The following TAF4B variants were observed in gnomAD, a reference collection of about 807,000 sequenced individuals.
TAF4B encodes the protein TATA-box binding protein associated factor 4b.
Under a neutral mutation model 86.4 loss-of-function variants are expected in TAF4B, and 38 were observed. The observed-to-expected ratio is 0.44, with a 90% CI of 0.34 to 0.58. The LOEUF is 0.58. TAF4B is among the 20% of genes least tolerant of loss of function. TAF4B has a pLI of 0.02. For missense variants in TAF4B, 988 were observed against 1,027.6 expected, an observed-to-expected ratio of 0.96 and a Z score of 0.53; for synonymous variants, 388 against 391.2, an observed-to-expected ratio of 0.99 and a Z score of 0.10.
chr18:26,267,506 C>T lies in TAF4B; in HGVS notation c.490-10C>T, dbSNP rs2056255897. The T allele has an allele frequency of 1.2e-6, 2 of 1,603,750 alleles. No individual in the cohort carries two copies. The highest frequency in any genetic ancestry group is 1.7e-6 in the Non-Finnish European group (2 of 1,170,692). ...GACTTTGTGTTATCTTGCTCCCCTCCACCGCCAAGAACTCTAGCTCACAAT... is the reference window on the plus strand; with the variant it reads ...GACTTTGTGTTATCTTGCTCCCCTCTACCGCCAAGAACTCTAGCTCACAAT... On this transcript the variant is annotated splice_polypyrimidine_tract_variant and intron_variant, in intron 2 of 14. Transcript: ENST00000269142.
intron 7 of TAF4B, among the ~76,000 whole-genome samples, chr18:26,289,942 G>A (rs1251009388): frequency 6.6e-6 from 1 of 152,100 alleles, no homozygotes; most frequent in Non-Finnish European, 1.5e-5. Context: ...ATACAAAACT[G>A]TATTATAAAA....
At chr18:26,237,220 C>T (rs976070959) in intron 1 of TAF4B, among the ~76,000 whole-genome samples, 7 of 152,148 alleles carry the variant, frequency 4.6e-5, no homozygotes, top group African/African-American at 1.7e-4. Context: ...GACCAGGTAT[C>T]TTCGAACTCT....
intron 11 of TAF4B, among the ~76,000 whole-genome samples, chr18:26,323,651 A>G (rs546758358): frequency 2.6e-5 from 4 of 151,598 alleles, no homozygotes; most frequent in Admixed American, 6.6e-5. Context: ...TTTGATGTGT[A>G]TATCTTCTTG....
intron 1 of TAF4B, among the ~76,000 whole-genome samples, chr18:26,235,163 G>A (rs2055730309): frequency 6.6e-6 from 1 of 152,222 alleles, no homozygotes; most frequent in African/African-American, 2.4e-5. Context: ...CCTGCTTTAA[G>A]GTTTTGAAGG....
At chr18:26,299,870 A>T (rs1382749274) in intron 9 of TAF4B, among the ~76,000 whole-genome samples, 1 of 152,162 alleles carries the variant, frequency 6.6e-6, no homozygotes, top group African/African-American at 2.4e-5. Flanking sequence ...AGTATAGTAT[A>T]TACATTTTTC....
At chr18:26,346,845 G>GTGTATA (rs2057195804) in intron 13 of TAF4B, among the ~76,000 whole-genome samples, 2 of 13,964 alleles carry the variant, frequency 1.4e-4, no homozygotes, top group African/African-American at 2.9e-4. Context: ...ATGTGTGTGT[G>GTGTATA]TATATATATA....
At chr18:26,380,358 T>A (rs1317711989) in intron 14 of TAF4B, among the ~76,000 whole-genome samples, 2 of 152,244 alleles carry the variant, frequency 1.3e-5, no homozygotes, top group Non-Finnish European at 2.9e-5. Context: ...GTTTTTATTA[T>A]CAACTTTGAA....
intron 1 of TAF4B, among the ~76,000 whole-genome samples, chr18:26,251,470 T>C (rs1227987587): frequency 1.3e-5 from 2 of 152,128 alleles, no homozygotes; most frequent in African/African-American, 4.8e-5. Context: ...TTGGCATTTT[T>C]GGATGTTGGG....
Position 26,312,304 on chromosome 18 carries a change from C to G in TAF4B, c.1833-2925C>G, listed in dbSNP as rs150905968. On this transcript the variant is annotated intron_variant, in intron 9 of 14. Coordinates refer to ENST00000269142, the MANE Select transcript of TAF4B (RefSeq NM_005640.3). ...GATATGCTGCTAGAACACTGCTTTC[C>G]TTTAGTCTGCCTCCTTGACTAAAGA... Among the ~76,000 whole-genome samples the G allele has an allele frequency of 2.6e-5, 4 of 152,322 alleles. No individual in the cohort carries two copies. In the East Asian group the frequency reaches 5.8e-4, roughly 22 times the overall value.
chr18:26,237,982 C>T lies in TAF4B; in HGVS notation c.343+10706C>T, dbSNP rs559323474. ...CCCTGCCGAAGAACCTGCAACGGTC[C>T]GTGGACCCTGCTGTTCAGAATAGTT... On this transcript the variant is annotated intron_variant, in intron 1 of 14. Coordinates refer to ENST00000269142, the MANE Select transcript of TAF4B (RefSeq NM_005640.3). Among the ~76,000 whole-genome samples, 16 of 152,246 alleles carry T rather than the reference C, an allele frequency of 1.1e-4. No homozygotes were observed. In the East Asian group the frequency reaches 2.3e-3, roughly 22 times the overall value.
intron 14 of TAF4B, among the ~76,000 whole-genome samples, chr18:26,381,267 G>A (rs553407755): frequency 4.0e-5 from 6 of 151,552 alleles, no homozygotes; most frequent in African/African-American, 1.2e-4. Flanking sequence ...TGCCTGCCTC[G>A]GCCTCCCAAA....
intron 14 of TAF4B, among the ~76,000 whole-genome samples, chr18:26,376,161 A>G (rs2057441331): frequency 6.6e-6 from 1 of 151,332 alleles, no homozygotes. Context: ...TTTCAAGATC[A>G]TTTTAACTAT....
intron 9 of TAF4B, among the ~76,000 whole-genome samples, chr18:26,313,073 G>A (rs76070615): frequency 0.015 from 2,210 of 152,218 alleles, 23 homozygotes; most frequent in Non-Finnish European, 0.022. Context: ...CTATGTAAGC[G>A]TATGTATTTT....
chr18:26,255,488 A>AGC (rs1011482065), intron 1 of TAF4B, among the ~76,000 whole-genome samples: 5 of 151,384 alleles, frequency 3.3e-5, no homozygotes, highest in Admixed American at 2.0e-4. Flanking sequence ...CTATAAACCC[A>AGC]GCTACTTGGG....
In TAF4B at chr18:26,226,884, C is replaced by T; in HGVS notation, c.-50C>T. 2.3e-6 allele frequency: 3 copies of T among 1,328,624 alleles called. No individual in the cohort carries two copies. Among genetic ancestry groups the T allele is most frequent in the Non-Finnish European group, 1.9e-6 (2 of 1,041,206 alleles). 82.3% of individuals were successfully genotyped at this position (1,328,624 alleles called of 1,614,324 possible). On this transcript the variant is annotated 5_prime_UTR_variant, in exon 1 of 15. Transcript: ENST00000269142. ...CTGCCGCGCGCCAAGCCTCCCCTCA[C>T]CTCTGCTCCCGGAACCGCAGCGCCA...
chr18:26,351,142 A>G (rs2057242087), intron 13 of TAF4B, among the ~76,000 whole-genome samples: 1 of 152,222 alleles, frequency 6.6e-6, no homozygotes, highest in Admixed American at 6.5e-5. Context: ...ATGAATGGAT[A>G]AAGAAAATGT....
intron 7 of TAF4B, among the ~76,000 whole-genome samples, chr18:26,287,082 G>T (rs2056533266): frequency 6.6e-6 from 1 of 151,840 alleles, no homozygotes; most frequent in African/African-American, 2.4e-5. Flanking sequence ...GGTTTTTTTT[G>T]TAAAACATAA....
intron 9 of TAF4B, among the ~76,000 whole-genome samples, chr18:26,294,634 G>GTA (rs111932055): frequency 5.1e-5 from 7 of 137,346 alleles, no homozygotes; most frequent in East Asian, 2.0e-4. Context: ...TATAACATTT[G>GTA]TATATATATG....
At chr18:26,274,613 T>A in intron 3 of TAF4B, 50 bp from the exon 4 acceptor site, 1 of 1,593,990 alleles carries the variant, frequency 6.3e-7, no homozygotes, top group Non-Finnish European at 8.6e-7. Context: ...AGGCACCCAC[T>A]AATGTATCAT....
Sources: gnomAD v4.1 joint callset for allele counts (sites outside exome capture counted in the v4.1 genomes callset) on GRCh38, gnomAD v4.1.1 for gene constraint, MANE v1.5 for transcripts, NCBI Gene and HGNC (gene_info 2026-07-23, HGNC 2026-07-21) for gene names.